ALG8: variants seen among roughly 807,000 people sequenced by gnomAD.
ALG8 encodes the protein dolichyl pyrophosphate Glc1Man9GlcNAc2 alpha-1,3-glucosyltransferase.
A neutral mutation model predicts 70.2 loss-of-function variants in ALG8; 48 were observed. That is an observed-to-expected ratio of 0.68 (90% CI 0.54 to 0.87). ALG8 has a LOEUF of 0.87. Ranked by LOEUF, ALG8 falls within the 40% of genes least tolerant of loss-of-function variation. The pLI is 0.00. For missense variants in ALG8, 572 were observed against 608.7 expected (o/e 0.94, Z 0.64); for synonymous variants, 234 against 229.0 (o/e 1.02, Z -0.20).
chr11:78,127,246 G>C, intron 2 of ALG8, 112 bp downstream of exon 2: 2 of 974,702 alleles, frequency 2.1e-6, no homozygotes, highest in South Asian at 2.9e-5. Context: ...CAAAGTGCTG[G>C]GATTACAAGC....
At chr11:78,133,148 A>T (rs1408459350) in intron 1 of ALG8, among the ~76,000 whole-genome samples, 1 of 151,990 alleles carries the variant, frequency 6.6e-6, no homozygotes, top group Non-Finnish European at 1.5e-5. Flanking sequence ...TCTTCCTAAT[A>T]CTTAATCCAA....
intron 1 of ALG8, chr11:78,138,599 C>A: frequency 4.9e-6 from 2 of 404,852 alleles, no homozygotes; most frequent in Non-Finnish European, 4.9e-6. Flanking sequence ...TAAAACAAAC[C>A]CTAAACTAGG....
intron 6 of ALG8, 133 bp downstream of exon 6, chr11:78,114,133 G>A: frequency 7.1e-7 from 1 of 1,413,196 alleles, no homozygotes; most frequent in Non-Finnish European, 9.8e-7. Flanking sequence ...AAGCGAGAAT[G>A]GGTAAAGGGC....
intron 12 of ALG8, chr11:78,102,951 C>CAA (rs35218171): frequency 1.6e-4 from 19 of 119,658 alleles, no homozygotes; most frequent in East Asian, 7.2e-4. Context: ...AACTCCGTCT[C>CAA]AAAAAAAAAA....
At chr11:78,110,231 C>T (rs759465057) in intron 8 of ALG8, among the ~76,000 whole-genome samples, 1 of 152,052 alleles carries the variant, frequency 6.6e-6, no homozygotes, top group Admixed American at 6.6e-5. Context: ...GAGACAGAGG[C>T]TGGAATGCAG....
intron 3 of ALG8, among the ~76,000 whole-genome samples, chr11:78,122,639 G>A (rs1860874617): frequency 6.6e-6 from 1 of 152,124 alleles, no homozygotes; most frequent in Non-Finnish European, 1.5e-5. Flanking sequence ...ACTATGCCTG[G>A]CCTTTCAACA....
intron 5 of ALG8, among the ~76,000 whole-genome samples, chr11:78,117,202 G>A (rs1327974921): frequency 2.0e-5 from 3 of 152,134 alleles, no homozygotes; most frequent in African/African-American, 4.8e-5. Context: ...GGGAAAATGA[G>A]GCTAGGAGGG....
At chr11:78,112,625 G>T in intron 8 of ALG8, 25 bp downstream of exon 8, 1 of 1,612,414 alleles carries the variant, frequency 6.2e-7, no homozygotes, top group South Asian at 1.1e-5. Context: ...TTCAGAGTCT[G>T]AGTAAAAAAT....
chr11:78,101,201 G>A lies in ALG8; in HGVS notation c.1350-6C>T. 1.2e-6 allele frequency: 2 copies of A among 1,610,284 alleles called. No individual in the cohort carries two copies. Among genetic ancestry groups the A allele is most frequent in the East Asian group, 2.2e-5 (1 of 44,878 alleles). On this transcript the variant is annotated splice_polypyrimidine_tract_variant and splice_region_variant and intron_variant, in intron 12 of 12. Transcript: ENST00000299626. Reference sequence around the variant, plus strand: ...TAAAAAGAGGTTTTTCTTTTCTGAAGGAAAAAAGAGAGAAAAGTCTGATTT... The same window carrying A: ...TAAAAAGAGGTTTTTCTTTTCTGAAAGAAAAAAGAGAGAAAAGTCTGATTT...
intron 9 of ALG8, among the ~76,000 whole-genome samples, chr11:78,109,117 G>A (rs1470769663): frequency 1.3e-5 from 2 of 152,094 alleles, no homozygotes; most frequent in Non-Finnish European, 2.9e-5. Flanking sequence ...AAATCTGGAT[G>A]TCCCTGCCAC....
intron 9 of ALG8, among the ~76,000 whole-genome samples, chr11:78,108,274 C>T (rs1320421897): frequency 2.0e-5 from 3 of 151,742 alleles, no homozygotes; most frequent in East Asian, 1.9e-4. Flanking sequence ...ACAAGACTCC[C>T]GTCTCAAAAA....
intron 5 of ALG8, among the ~76,000 whole-genome samples, chr11:78,116,653 G>A (rs139383893): frequency 0.013 from 2,029 of 152,132 alleles, 50 homozygotes; most frequent in African/African-American, 0.045. Context: ...AGGAGGTTGA[G>A]GTTACAGTGT....
chr11:78,139,379 G>A (rs1449636203), intron 1 of ALG8, 115 bp downstream of exon 1: 53 of 1,060,660 alleles, frequency 5.0e-5, no homozygotes, highest in Non-Finnish European at 6.7e-5. Context: ...GCAGGATAGC[G>A]ACAAACACGA....
At chr11:78,104,827 G>C (rs1859944840) in intron 10 of ALG8, among the ~76,000 whole-genome samples, 1 of 152,080 alleles carries the variant, frequency 6.6e-6, no homozygotes, top group African/African-American at 2.4e-5. Context: ...AGCTGGGCAT[G>C]GTGGCGGGTG....
At chr11:78,113,373 A>G (rs1465092182) in intron 7 of ALG8, among the ~76,000 whole-genome samples, 2 of 151,926 alleles carry the variant, frequency 1.3e-5, no homozygotes, top group East Asian at 3.9e-4. Context: ...ATATACATGT[A>G]TATATATATA....
At chr11:78,112,826 A>G (rs1055286176) in intron 7 of ALG8, 56 bp from the exon 8 acceptor site, 31 of 1,593,886 alleles carry the variant, frequency 1.9e-5, no homozygotes, top group Non-Finnish European at 2.4e-5. Context: ...TTCAAATTCA[A>G]AAAGAGAACT....
At chr11:78,123,315 G>GAAAAAAAA (rs1220218900) in intron 3 of ALG8, among the ~76,000 whole-genome samples, 1,405 of 88,488 alleles carry the variant, frequency 0.016, 3 homozygotes, top group Non-Finnish European at 0.018. Flanking sequence ...GGAAAAAAAA[G>GAAAAAAAA]AAAAAAAAAA....
At chr11:78,106,685 T>C in intron 10 of ALG8, 122 bp downstream of exon 10, 1 of 1,307,178 alleles carries the variant, frequency 7.7e-7, no homozygotes, top group East Asian at 2.4e-5. Context: ...AGTGGACATC[T>C]GTTCCTATAC....
intron 12 of ALG8, 44 bp downstream of exon 12, chr11:78,103,936 C>T (rs1168860422): frequency 1.8e-6 from 2 of 1,115,570 alleles, no homozygotes; most frequent in Non-Finnish European, 2.7e-6. Context: ...TAGGTGTAAA[C>T]ATTTCACAAG....
Sources: gnomAD v4.1 joint callset for allele counts (sites outside exome capture counted in the v4.1 genomes callset) on GRCh38, gnomAD v4.1.1 for gene constraint, MANE v1.5 for transcripts, NCBI Gene and HGNC (gene_info 2026-07-23, HGNC 2026-07-21) for gene names.